The following CHSY1 variants were observed in gnomAD, a reference collection of about 807,000 sequenced individuals.
CHSY1 encodes N-acetylgalactosaminyl-proteoglycan 3-beta-glucuronosyltransferase 1.
In CHSY1, 13 loss-of-function variants were observed where a neutral mutation model predicts 59.8. The observed-to-expected ratio is 0.22, with a 90% confidence interval of 0.14 to 0.35. The LOEUF is 0.35. Among genes scored for constraint, CHSY1 ranks in the 10% least tolerant of loss-of-function variants. CHSY1 has a pLI of 1.00. For missense variants in CHSY1, 947 were observed against 1,030.6 expected (o/e 0.92, Z 1.11); for synonymous variants, 459 against 401.2 (o/e 1.14, Z -1.72).
At chr15:101,186,983 C>G (rs2038378401) in intron 2 of CHSY1, among the ~76,000 whole-genome samples, 1 of 152,186 alleles carries the variant, frequency 6.6e-6, no homozygotes, top group Admixed American at 6.5e-5. Context: ...CCCACCTACT[C>G]CTGCTATGGC....
At chr15:101,209,673 G>A (rs929159966) in intron 2 of CHSY1, among the ~76,000 whole-genome samples, 1 of 152,108 alleles carries the variant, frequency 6.6e-6, no homozygotes, top group African/African-American at 2.4e-5. Flanking sequence ...GAGGAGAAAG[G>A]GCAGTAAAAA....
At chr15:101,237,810 C>A (rs78685960) in intron 1 of CHSY1, among the ~76,000 whole-genome samples, 3,536 of 152,172 alleles carry the variant, frequency 0.023, 92 homozygotes, top group East Asian at 0.067. Flanking sequence ...AAAAATGTAT[C>A]GTGGAGAATA....
At chr15:101,183,720 C>T (rs748566346) in intron 2 of CHSY1, among the ~76,000 whole-genome samples, 15 of 152,226 alleles carry the variant, frequency 9.9e-5, no homozygotes, top group Admixed American at 2.6e-4. Flanking sequence ...CACGTGCAAA[C>T]GGGGGAGGGT....
intron 2 of CHSY1, among the ~76,000 whole-genome samples, chr15:101,224,863 A>G (rs1359838651): frequency 2.0e-5 from 3 of 152,204 alleles, no homozygotes; most frequent in African/African-American, 7.2e-5. Flanking sequence ...GACTCTTATT[A>G]GTTCAATAAA....
At chr15:101,200,508 T>G (rs775119396) in intron 2 of CHSY1, among the ~76,000 whole-genome samples, 5 of 152,120 alleles carry the variant, frequency 3.3e-5, no homozygotes, top group Non-Finnish European at 5.9e-5. Flanking sequence ...AAACTAACAG[T>G]ACAAACAAGG....
At chr15:101,237,529 A>C (rs1383283822) in intron 1 of CHSY1, among the ~76,000 whole-genome samples, 7 of 152,184 alleles carry the variant, frequency 4.6e-5, no homozygotes, top group Non-Finnish European at 1.5e-5. Context: ...AACCACATAA[A>C]GGGTTTAAGA....
intron 2 of CHSY1, among the ~76,000 whole-genome samples, chr15:101,215,420 A>G (rs2038721575): frequency 6.6e-6 from 1 of 152,236 alleles, no homozygotes; most frequent in African/African-American, 2.4e-5. Flanking sequence ...CAGAGTTGCT[A>G]TGGTATAGAA....
chr15:101,189,822 C>G (rs1943010366), intron 2 of CHSY1, among the ~76,000 whole-genome samples: 1 of 152,250 alleles, frequency 6.6e-6, no homozygotes. Context: ...CCTAAAGACT[C>G]CAGCGGCGCT....
chr15:101,192,098 T>G (rs1180662139), intron 2 of CHSY1, among the ~76,000 whole-genome samples: 1 of 152,242 alleles, frequency 6.6e-6, no homozygotes, highest in Non-Finnish European at 1.5e-5. Flanking sequence ...GCATCTGCTA[T>G]GAGATACCAT....
At chr15:101,183,135 G>T (rs965973881) in intron 2 of CHSY1, among the ~76,000 whole-genome samples, 3 of 151,908 alleles carry the variant, frequency 2.0e-5, no homozygotes, top group African/African-American at 7.3e-5. Context: ...ATCCCTAGAA[G>T]ATCATAACGA....
intron 2 of CHSY1, among the ~76,000 whole-genome samples, chr15:101,193,878 T>C (rs1367939699): frequency 2.6e-5 from 4 of 152,212 alleles, no homozygotes; most frequent in Non-Finnish European, 1.5e-5. Flanking sequence ...GAGACCACTC[T>C]GACATCACTT....
intron 2 of CHSY1, among the ~76,000 whole-genome samples, chr15:101,216,109 A>C (rs1241525728): frequency 4.0e-5 from 6 of 148,612 alleles, no homozygotes; most frequent in South Asian, 4.2e-4. Context: ...AAACAGCTAG[A>C]AACACAGTAC....
At chr15:101,209,460 C>T (rs1037965216) in intron 2 of CHSY1, among the ~76,000 whole-genome samples, 5 of 152,000 alleles carry the variant, frequency 3.3e-5, no homozygotes, top group African/African-American at 1.2e-4. Flanking sequence ...AAGAATAAAG[C>T]GATATATACC....
intron 1 of CHSY1, among the ~76,000 whole-genome samples, chr15:101,236,367 T>C (rs1415803526): frequency 6.6e-6 from 1 of 152,194 alleles, no homozygotes; most frequent in African/African-American, 2.4e-5. Flanking sequence ...ACTGTTCTCA[T>C]GGTCAGGAGT....
At chr15:101,233,938 C>A (rs565720557) in intron 2 of CHSY1, among the ~76,000 whole-genome samples, 5 of 152,274 alleles carry the variant, frequency 3.3e-5, no homozygotes, top group African/African-American at 1.2e-4. Context: ...AAAGTGTATT[C>A]TTTTTCTTGG....
intron 2 of CHSY1, among the ~76,000 whole-genome samples, chr15:101,182,250 C>T (rs1042918572): frequency 6.6e-6 from 1 of 152,152 alleles, no homozygotes; most frequent in Admixed American, 6.5e-5. Flanking sequence ...CACAGTATTG[C>T]ACTAAATCTG....
Position 101,178,978 on chromosome 15 carries a change from C to T in CHSY1, c.819G>A (p.Met273Ile). Residue 273 changes from methionine to isoleucine, a missense_variant and splice_region_variant, in exon 3 of 3, where the codon ATG becomes ATA. Coordinates refer to ENST00000254190, the MANE Select transcript of CHSY1 (RefSeq NM_014918.5). ...CGTAATTCTCATAAAAAAGCTGCTG[C>T]ATCTGTTACAGGAAAAAAAAGAGAT... is the stretch of plus-strand genomic sequence containing the variant. ...AGVQCVWSYE[M>I]QQLFYENYEQ... The T allele has an allele frequency of 1.2e-6, 2 of 1,613,844 alleles. No homozygotes were observed. The highest frequency in any genetic ancestry group is 1.7e-4 in the Middle Eastern group (1 of 6,058).
chr15:101,185,014 T>C (rs1319391637), intron 2 of CHSY1, among the ~76,000 whole-genome samples: 1 of 152,218 alleles, frequency 6.6e-6, no homozygotes, highest in Non-Finnish European at 1.5e-5. Context: ...GCAGACACTC[T>C]GTCGCAGGTA....
chr15:101,226,677 C>T (rs1480539716), intron 2 of CHSY1, among the ~76,000 whole-genome samples: 2 of 152,202 alleles, frequency 1.3e-5, no homozygotes, highest in African/African-American at 4.8e-5. Context: ...CCCCACCTCG[C>T]TCCACCAGCA....
Sources: allele counts gnomAD v4.1 joint callset (sites outside exome capture counted in the v4.1 genomes callset), GRCh38; gene constraint gnomAD v4.1.1; transcripts MANE v1.5; gene names NCBI Gene and HGNC (gene_info 2026-07-23, HGNC 2026-07-21).